Variants in PCDH9 observed in about 807,000 individuals in gnomAD.
PCDH9 encodes protocadherin 9, also known as protocadherin-9.
In PCDH9, 24 loss-of-function variants were observed where a neutral mutation model predicts 70.6. That is an observed-to-expected ratio of 0.34 (90% confidence interval 0.25 to 0.48). The LOEUF (loss-of-function observed/expected upper bound fraction) is 0.48, where lower values mean the gene tolerates loss of function less well. PCDH9 is among the 20% of genes least tolerant of loss of function. The pLI is 0.99. For missense variants in PCDH9, 1,281 were observed against 1,503.6 expected (o/e 0.85, Z 2.45); for synonymous variants, 562 against 558.5 (o/e 1.01, Z -0.09).
intron 4 of PCDH9, among the ~76,000 whole-genome samples, chr13:66,463,639 T>A (rs1461890632): frequency 4.0e-5 from 6 of 151,602 alleles, no homozygotes; most frequent in Non-Finnish European, 7.4e-5. Context: ...TTGTAGTCTA[T>A]TTTTTTTGTG....
chr13:66,712,761 A>G (rs1216925272), intron 3 of PCDH9, among the ~76,000 whole-genome samples: 13 of 152,162 alleles, frequency 8.5e-5, no homozygotes, highest in Admixed American at 8.5e-4. Flanking sequence ...TATATTTTCT[A>G]GTACATTATA....
chr13:66,957,378 C>A (rs144155438), intron 2 of PCDH9, among the ~76,000 whole-genome samples: 223 of 152,170 alleles, frequency 1.5e-3, no homozygotes, highest in African/African-American at 5.3e-3. Flanking sequence ...TCTGCAAATG[C>A]GATGCCTGTT....
intron 4 of PCDH9, among the ~76,000 whole-genome samples, chr13:66,470,723 TA>T (rs78861607): frequency 2.4e-3 from 330 of 136,858 alleles, no homozygotes; most frequent in Admixed American, 2.0e-3. Context: ...GCTCTGAAAT[TA>T]AAAAAAAAAA....
intron 3 of PCDH9, among the ~76,000 whole-genome samples, chr13:66,892,357 A>T (rs956164643): frequency 3.4e-4 from 51 of 151,650 alleles, no homozygotes; most frequent in African/African-American, 1.2e-3. Context: ...CAATTAATAG[A>T]ATGTCCATAA....
At position 67,226,131 on chromosome 13, in the gene PCDH9, T is replaced by A. The variant is rs1303942022; in HGVS notation, c.2310A>T (p.Val770=). 6.2e-7 allele frequency: 1 copy of A among 1,614,008 alleles called. No individual in the cohort carries two copies. The highest frequency in any genetic ancestry group is 1.3e-5 in the African/African-American group (1 of 74,888). The stretch of plus-strand genomic sequence containing the variant: ...CAGCAGTGTCGTTAACATAAAGGAA[T>A]ACAAGCACAAGCGTGTGCAAAGACT... ...YPKSLHTLVL[V]FLYVNDTAGN... The change falls in exon 2 of 5, where the codon GTA becomes GTT. Residue 770 remains valine (V), a synonymous_variant. Coordinates refer to ENST00000377865, the MANE Select transcript of PCDH9 (RefSeq NM_203487.3). This position sits in a 1 kb window ranked among gnomAD's most constrained non-coding sequence, Gnocchi z 5.0.
chr13:67,147,392 A>G (rs971768825), intron 2 of PCDH9, among the ~76,000 whole-genome samples: 1 of 152,186 alleles, frequency 6.6e-6, no homozygotes, highest in Non-Finnish European at 1.5e-5. Flanking sequence ...CACATCGCAG[A>G]TATAAAGCTG....
At chr13:67,222,247 T>TTG (rs2089744563) in intron 2 of PCDH9, 1 of 150,394 alleles carries the variant, frequency 6.6e-6, no homozygotes, top group Non-Finnish European at 1.5e-5. Context: ...TTGTTGTTTT[T>TTG]TTTTTTTTTA....
chr13:67,105,917 A>T (rs1361147509), intron 2 of PCDH9, among the ~76,000 whole-genome samples: 1 of 150,978 alleles, frequency 6.6e-6, no homozygotes, highest in African/African-American at 2.4e-5. Flanking sequence ...TCTAAGAAAT[A>T]TACATATATA....
chr13:67,154,519 T>G (rs1386913700), intron 2 of PCDH9, among the ~76,000 whole-genome samples: 8 of 139,522 alleles, frequency 5.7e-5, no homozygotes, highest in African/African-American at 1.9e-4. Flanking sequence ...GAGGCTACAG[T>G]GAGCCACGAT....
chr13:67,143,028 TAAGA>T (rs778685212), intron 2 of PCDH9, among the ~76,000 whole-genome samples: 2 of 149,554 alleles, frequency 1.3e-5, no homozygotes, highest in African/African-American at 2.5e-5. Context: ...AAAGAAAAAA[TAAGA>T]AAGAAAGAAA....
At chr13:67,130,156 T>C (rs1483440126) in intron 2 of PCDH9, among the ~76,000 whole-genome samples, 1 of 152,152 alleles carries the variant, frequency 6.6e-6, no homozygotes, top group African/African-American at 2.4e-5. Flanking sequence ...TTTCATATTA[T>C]GAATGAGCAT....
At chr13:66,766,848 T>C (rs1033191258) in intron 3 of PCDH9, among the ~76,000 whole-genome samples, 4 of 151,998 alleles carry the variant, frequency 2.6e-5, no homozygotes, top group Non-Finnish European at 5.9e-5. Context: ...TAATAATATT[T>C]CTCACAACTG....
intron 2 of PCDH9, among the ~76,000 whole-genome samples, chr13:67,127,721 T>A (rs555292830): frequency 6.6e-6 from 1 of 151,540 alleles, no homozygotes; most frequent in Admixed American, 6.6e-5. Flanking sequence ...TGTGTACATA[T>A]GTATATATAT....
chr13:66,583,447 C>T (rs529838961), intron 4 of PCDH9, among the ~76,000 whole-genome samples: 2 of 151,866 alleles, frequency 1.3e-5, no homozygotes, highest in Non-Finnish European at 2.9e-5. Context: ...CCTGTCTCTA[C>T]TAAAAATACA....
chr13:66,431,228 C>A (rs1957765840), intron 4 of PCDH9, among the ~76,000 whole-genome samples: 1 of 151,922 alleles, frequency 6.6e-6, no homozygotes, highest in African/African-American at 2.4e-5. Context: ...AATAATAAAG[C>A]TATATAAAAT....
At chr13:66,411,444 A>G (rs1056504615) in intron 4 of PCDH9, among the ~76,000 whole-genome samples, 3 of 152,070 alleles carry the variant, frequency 2.0e-5, no homozygotes, top group African/African-American at 7.2e-5. Context: ...ATCCCACCAC[A>G]TCCAGCTAAT....
At chr13:66,874,046 T>C (rs988610705) in intron 3 of PCDH9, among the ~76,000 whole-genome samples, 2 of 150,722 alleles carry the variant, frequency 1.3e-5, no homozygotes, top group Non-Finnish European at 3.0e-5. Context: ...ACTCAAGTGA[T>C]CCTCCCACTT....
chr13:66,613,264 T>A (rs1377596910), intron 4 of PCDH9, among the ~76,000 whole-genome samples: 1 of 151,786 alleles, frequency 6.6e-6, no homozygotes, highest in Non-Finnish European at 1.5e-5. Flanking sequence ...GGCTAAGGGG[T>A]TTAACTTTTT....
intron 4 of PCDH9, among the ~76,000 whole-genome samples, chr13:66,543,180 T>C (rs576979526): frequency 2.0e-5 from 3 of 152,234 alleles, no homozygotes; most frequent in Admixed American, 2.0e-4. Flanking sequence ...TAGATGAAAA[T>C]CACTGACACG....
Sources: allele counts gnomAD v4.1 joint callset (sites outside exome capture counted in the v4.1 genomes callset), GRCh38; gene constraint gnomAD v4.1.1; non-coding constraint Gnocchi (gnomAD v3.1); transcripts MANE v1.5; gene names NCBI Gene and HGNC (gene_info 2026-07-23, HGNC 2026-07-21).